GPC4: variants seen among roughly 807,000 people sequenced by gnomAD.
GPC4 encodes the protein glypican 4, also known as glypican-4.
Under a neutral mutation model 35.0 loss-of-function variants are expected in GPC4, and 10 were observed. The observed-to-expected ratio is 0.29, with a 90% CI of 0.18 to 0.48. The LOEUF (loss-of-function observed/expected upper bound fraction) is 0.48, where lower values mean the gene tolerates loss of function less well. Ranked by LOEUF, GPC4 falls within the 20% of genes least tolerant of loss-of-function variation. The pLI is 0.99. For synonymous variants in GPC4, 167 were observed against 170.2 expected (o/e 0.98, Z 0.15); for missense variants, 322 against 451.3 (o/e 0.71, Z 2.60).
intron 1 of GPC4, among the ~76,000 whole-genome samples, chrX:133,391,835 A>C (rs1306799092): frequency 8.9e-6 from 1 of 111,745 alleles, no homozygotes; most frequent in East Asian, 2.8e-4. Flanking sequence ...ACTTAAAGGG[A>C]AACATTCATC....
chrX:133,304,311 C>T (rs1227594873), intron 7 of GPC4, among the ~76,000 whole-genome samples: 5 of 109,543 alleles, frequency 4.6e-5, no homozygotes, highest in Non-Finnish European at 9.5e-5. Flanking sequence ...AACAAGCAAA[C>T]AAAAAAAAGT....
chrX:133,402,548 G>T (rs1269068514), intron 1 of GPC4, among the ~76,000 whole-genome samples: 4 of 111,943 alleles, frequency 3.6e-5, no homozygotes, highest in Non-Finnish European at 7.5e-5. Context: ...AGAAGAAGAC[G>T]GAAGTGAGCA....
intron 1 of GPC4, among the ~76,000 whole-genome samples, chrX:133,380,336 G>A (rs1181192381): frequency 9.3e-6 from 1 of 107,693 alleles, no homozygotes; most frequent in East Asian, 3.0e-4. Flanking sequence ...GACTCTGTCT[G>A]CCCGCACCAC....
chrX:133,338,563 C>T (rs1267277464), intron 2 of GPC4, among the ~76,000 whole-genome samples: 2 of 111,585 alleles, frequency 1.8e-5, no homozygotes, highest in Non-Finnish European at 3.8e-5. Context: ...CTGCAAGAAG[C>T]CACGTCTGGC....
In GPC4 at chrX:133,306,049, T is replaced by C; in HGVS notation, c.983A>G (p.Asp328Gly). The C allele has an allele frequency of 8.3e-7, 1 of 1,211,155 alleles. No homozygotes were observed. The highest frequency in any genetic ancestry group is 1.1e-6 in the Non-Finnish European group (1 of 895,169). The change falls in exon 5 of 9, where the codon GAT (aspartate) becomes GGT (glycine). Residue 328 changes from aspartate (D) to glycine (G), a missense_variant. By Grantham distance (94) the Asp-to-Gly change is moderately conservative. Around this residue, in one of 3 missense-constraint regions of GPC4, gnomAD observed 163 missense variants for 277.2 expected, o/e 0.59. Coordinates refer to ENST00000370828, the MANE Select transcript of GPC4 (RefSeq NM_001448.3). The stretch of plus-strand genomic sequence containing the variant: ...CTTCTGAGACACTTGAACACTATTA[T>C]CCTGCATGTTCATAATAGCATCAGA... ...KISDAIMNMQDNSVQVSQKVF... is the reference protein window; with the variant it reads ...KISDAIMNMQGNSVQVSQKVF...
intron 4 of GPC4, among the ~76,000 whole-genome samples, chrX:133,309,685 T>C (rs141202633): frequency 0.015 from 1,668 of 112,245 alleles, 35 homozygotes; most frequent in African/African-American, 0.049. Flanking sequence ...ATAGGGGCAA[T>C]TGAAAAGGAT....
chrX:133,376,740 T>C (rs991036772), intron 1 of GPC4, among the ~76,000 whole-genome samples: 1 of 112,273 alleles, frequency 8.9e-6, no homozygotes, highest in African/African-American at 3.2e-5. Flanking sequence ...GCTGGTTCTC[T>C]GGAAGTGTTC....
intron 1 of GPC4, among the ~76,000 whole-genome samples, chrX:133,379,425 A>G (rs1178434245): frequency 1.8e-5 from 2 of 112,236 alleles, no homozygotes; most frequent in Admixed American, 1.9e-4. Flanking sequence ...GGCAGGAATG[A>G]GAAGTGGTGT....
intron 1 of GPC4, among the ~76,000 whole-genome samples, chrX:133,382,790 G>A (rs182221601): frequency 2.7e-4 from 31 of 112,819 alleles, no homozygotes; most frequent in Non-Finnish European, 4.7e-4. Flanking sequence ...CAGCGAACTC[G>A]TCACTGAAGA....
chrX:133,306,215 G>C (rs1603054807), intron 4 of GPC4, 61 bp from the exon 5 acceptor site: 13 of 1,155,238 alleles, frequency 1.1e-5, no homozygotes, highest in Admixed American at 2.2e-5. Context: ...GTTTGGCCTT[G>C]GGTAAATCAA....
At chrX:133,365,029 T>C (rs1351991262) in intron 1 of GPC4, among the ~76,000 whole-genome samples, 3 of 111,867 alleles carry the variant, frequency 2.7e-5, no homozygotes, top group African/African-American at 6.5e-5. Flanking sequence ...ACAGAGCTTG[T>C]TGATTTCTTT....
At chrX:133,363,694 C>A (rs936093477) in intron 1 of GPC4, among the ~76,000 whole-genome samples, 1 of 111,056 alleles carries the variant, frequency 9.0e-6, no homozygotes, top group African/African-American at 3.3e-5. Context: ...ACATATTGTA[C>A]AATACACTCA....
At chrX:133,388,539 C>CT (rs756300518) in intron 1 of GPC4, among the ~76,000 whole-genome samples, 72 of 104,117 alleles carry the variant, frequency 6.9e-4, no homozygotes, top group Middle Eastern at 4.9e-3. Flanking sequence ...CAGCCAACTC[C>CT]TTTTTTTTTT....
rs1263916353 is a variant in GPC4 at position 133,301,381 on chromosome X, G to C, written c.*1486C>G. 1 of 112,614 alleles carries C rather than the reference G, an allele frequency of 8.9e-6. No individual in the cohort carries two copies. Among genetic ancestry groups the C allele is most frequent in the African/African-American group, 3.2e-5 (1 of 31,012 alleles). The allele number at this position is 112,614 out of a possible 1,213,427, so 9.3% of individuals were successfully genotyped here. A position where few individuals can be genotyped will look rare whatever the true frequency, so the allele number is the denominator to read the frequency against. Reference sequence around the variant, plus strand: ...CTGGGAACTCCTTTGAAAGTGATTTGTTACATTATCAGAGTTTTATGAGCT... The same window carrying C: ...CTGGGAACTCCTTTGAAAGTGATTTCTTACATTATCAGAGTTTTATGAGCT... On this transcript the variant is annotated 3_prime_UTR_variant, in exon 9 of 9. Coordinates refer to ENST00000370828, the MANE Select transcript of GPC4 (RefSeq NM_001448.3).
chrX:133,391,989 T>C lies in GPC4; in HGVS notation c.160+22817A>G, dbSNP rs185898407. On this transcript the variant is annotated intron_variant, in intron 1 of 8. Coordinates refer to ENST00000370828, the MANE Select transcript of GPC4 (RefSeq NM_001448.3). ...GGCTCATGCCTGTAATCCCAGCACT[T>C]TGGGAGGCCAAGGCTGGTGGATCAC... is the stretch of plus-strand genomic sequence containing the variant. Among the ~76,000 whole-genome samples the C allele has an allele frequency of 6.9e-3, 761 of 111,068 alleles. 5 individuals carry two copies. Among genetic ancestry groups the C allele is most frequent in the Non-Finnish European group, 8.4e-3 (447 of 52,992 alleles).
chrX:133,313,260 T>C (rs1195822977), intron 3 of GPC4, among the ~76,000 whole-genome samples: 1 of 112,606 alleles, frequency 8.9e-6, no homozygotes, highest in Non-Finnish European at 1.9e-5. Flanking sequence ...ACGTGATGCA[T>C]GTGCACATCC....
chrX:133,412,246 G>C (rs1007905405), intron 1 of GPC4, among the ~76,000 whole-genome samples: 7 of 112,094 alleles, frequency 6.2e-5, no homozygotes, highest in African/African-American at 2.3e-4. Flanking sequence ...GTAGCTCAGA[G>C]AAGACAAGGC....
At chrX:133,395,264 C>T (rs2068737675) in intron 1 of GPC4, among the ~76,000 whole-genome samples, 1 of 111,449 alleles carries the variant, frequency 9.0e-6, no homozygotes, top group Admixed American at 9.6e-5. Context: ...CAATTATCAC[C>T]ATGATTGTAC....
At chrX:133,368,816 T>C (rs1424042191) in intron 1 of GPC4, among the ~76,000 whole-genome samples, 1 of 110,284 alleles carries the variant, frequency 9.1e-6, no homozygotes, top group African/African-American at 3.3e-5. Flanking sequence ...AGCTAATTTT[T>C]TGTATTTTTA....
Sources: allele counts gnomAD v4.1 joint callset (sites outside exome capture counted in the v4.1 genomes callset), GRCh38; gene constraint gnomAD v4.1.1; regional missense constraint gnomAD v4.1.1; transcripts MANE v1.5; gene names NCBI Gene and HGNC (gene_info 2026-07-23, HGNC 2026-07-21).